Variants in SGCD observed in about 807,000 individuals in gnomAD.
The protein encoded by SGCD is sarcoglycan delta, also known as delta-sarcoglycan.
A neutral mutation model predicts 36.6 loss-of-function variants in SGCD; 18 were observed. The ratio of observed to expected loss-of-function variants is 0.49; its 90% CI spans 0.34 to 0.73. The LOEUF (loss-of-function observed/expected upper bound fraction) is 0.73. SGCD is among the 30% of genes least tolerant of loss of function. The probability of loss-of-function intolerance (pLI) is 0.01; values close to 1 mark genes in which losing one functional copy is unlikely to be tolerated. For synonymous variants in SGCD, 133 were observed against 130.6 expected (o/e 1.02, Z -0.12); for missense variants, 387 against 346.7 (o/e 1.12, Z -0.92).
intron 7 of SGCD, among the ~76,000 whole-genome samples, chr5:156,670,449 C>A (rs540944623): frequency 2.6e-5 from 4 of 152,182 alleles, no homozygotes; most frequent in African/African-American, 9.6e-5. Context: ...CAATTGCTTT[C>A]GACTCTTCCT....
At chr5:156,477,020 C>G (rs994399114) in intron 3 of SGCD, among the ~76,000 whole-genome samples, 1 of 138,574 alleles carries the variant, frequency 7.2e-6, no homozygotes, top group Non-Finnish European at 1.5e-5. Context: ...TTAGACAGAG[C>G]GTTAATTCAG....
rs182612847 is a variant in SGCD, at chr5:155,954,148, C to T, written c.-282+83724C>T. 3.0e-3 allele frequency among the ~76,000 whole-genome samples: 453 copies of T among 152,218 alleles called. 1 individual carries two copies. The highest frequency in any genetic ancestry group is 4.9e-3 in the Non-Finnish European group (331 of 67,998). On this transcript the variant is annotated intron_variant, in intron 1 of 9. Coordinates refer to the SGCD transcript ENST00000517913. ...CTTCTCCATCATATGATCTAAAGACCTTCTGTACTGTTTTTCTATTTGTAA... is the reference window on the plus strand; with the variant it reads ...CTTCTCCATCATATGATCTAAAGACTTTCTGTACTGTTTTTCTATTTGTAA...
At chr5:156,543,528 G>C (rs988341115) in intron 4 of SGCD, among the ~76,000 whole-genome samples, 5 of 152,172 alleles carry the variant, frequency 3.3e-5, no homozygotes, top group African/African-American at 1.2e-4. Flanking sequence ...AATCTACTTT[G>C]AGCATCTTTC....
intron 4 of SGCD, among the ~76,000 whole-genome samples, chr5:156,514,203 T>G (rs1490563129): frequency 6.6e-6 from 1 of 152,232 alleles, no homozygotes; most frequent in Non-Finnish European, 1.5e-5. Context: ...TAGACAAAGT[T>G]GTACATCCCT....
At chr5:156,320,407 A>C (rs1046700220) in intron 3 of SGCD, among the ~76,000 whole-genome samples, 1 of 152,218 alleles carries the variant, frequency 6.6e-6, no homozygotes, top group Non-Finnish European at 1.5e-5. Flanking sequence ...TCCAAATAAA[A>C]ATGTGATATT....
intron 6 of SGCD, among the ~76,000 whole-genome samples, chr5:156,636,990 G>A (rs1762849534): frequency 6.6e-6 from 1 of 152,050 alleles, no homozygotes; most frequent in African/African-American, 2.4e-5. Context: ...AAGGTGATAT[G>A]GTTTGGCTGT....
At chr5:155,796,194 C>T in the SGCD span, among the ~76,000 whole-genome samples, 1 of 152,152 alleles carries the variant, frequency 6.6e-6, no homozygotes, top group African/African-American at 2.4e-5. Flanking sequence ...TGACCATATA[C>T]TGGCTCTTAA....
intron 4 of SGCD, among the ~76,000 whole-genome samples, chr5:156,532,159 T>G (rs1757916075): frequency 6.6e-6 from 1 of 152,164 alleles, no homozygotes; most frequent in South Asian, 2.1e-4. Flanking sequence ...GTTCTGTTCT[T>G]GAGATACTAG....
the SGCD span, among the ~76,000 whole-genome samples, chr5:155,750,608 T>C: frequency 1.3e-5 from 2 of 152,358 alleles, no homozygotes; most frequent in East Asian, 3.9e-4. Context: ...AATGGCAGTT[T>C]CCCAGAAGAA....
chr5:155,794,804 T>C, the SGCD span, among the ~76,000 whole-genome samples: 1 of 151,968 alleles, frequency 6.6e-6, no homozygotes, highest in Non-Finnish European at 1.5e-5. Flanking sequence ...ATAAAAAATA[T>C]TTACTCAAAT....
intron 1 of SGCD, among the ~76,000 whole-genome samples, chr5:155,955,795 G>A (rs376765099): frequency 3.3e-5 from 5 of 152,030 alleles, no homozygotes; most frequent in Admixed American, 6.6e-5. Flanking sequence ...ACAAAGATAC[G>A]TCAACTAATA....
intron 7 of SGCD, among the ~76,000 whole-genome samples, chr5:156,674,187 C>G (rs1315023440): frequency 6.6e-6 from 1 of 152,150 alleles, no homozygotes; most frequent in East Asian, 1.9e-4. Context: ...TTGGACATGG[C>G]CCACTTTTGG....
At chr5:156,126,786 A>G (rs1284859016) in intron 3 of SGCD, among the ~76,000 whole-genome samples, 1 of 152,248 alleles carries the variant, frequency 6.6e-6, no homozygotes, top group Non-Finnish European at 1.5e-5. Context: ...TGAACATTAG[A>G]AAGGCCGTCT....
At chr5:156,345,449 A>C (rs1327680583) in intron 3 of SGCD, among the ~76,000 whole-genome samples, 1 of 152,172 alleles carries the variant, frequency 6.6e-6, no homozygotes, top group Admixed American at 6.5e-5. Context: ...TTAATGAGGA[A>C]ATACTGGGCA....
chr5:155,845,579 A>C, the SGCD span: 1 of 152,178 alleles, frequency 6.6e-6, no homozygotes, highest in Non-Finnish European at 1.5e-5. Flanking sequence ...TATTACAATG[A>C]ATAATTTTAA....
intron 3 of SGCD, among the ~76,000 whole-genome samples, chr5:156,201,574 T>C (rs1764151751): frequency 1.3e-5 from 2 of 152,148 alleles, no homozygotes; most frequent in African/African-American, 2.4e-5. Flanking sequence ...GCCAACATCA[T>C]AGGACCATGG....
At chr5:156,246,832 A>G (rs533590616) in intron 3 of SGCD, among the ~76,000 whole-genome samples, 32 of 152,184 alleles carry the variant, frequency 2.1e-4, no homozygotes, top group Non-Finnish European at 4.4e-4. Context: ...AAACACTGAC[A>G]ACAACATACA....
chr5:156,152,242 A>G (rs562908323), intron 3 of SGCD, among the ~76,000 whole-genome samples: 7 of 151,592 alleles, frequency 4.6e-5, no homozygotes, highest in Non-Finnish European at 8.8e-5. Context: ...TCTTTGACTA[A>G]GACATTGACC....
At chr5:155,862,812 G>A in the SGCD span, among the ~76,000 whole-genome samples, 1 of 152,160 alleles carries the variant, frequency 6.6e-6, no homozygotes, top group South Asian at 2.1e-4. Context: ...AAATGACATA[G>A]TGAAGATTTA....
Sources: allele counts gnomAD v4.1 joint callset (sites outside exome capture counted in the v4.1 genomes callset), GRCh38; gene constraint gnomAD v4.1.1; transcripts MANE v1.5; gene names NCBI Gene and HGNC (gene_info 2026-07-23, HGNC 2026-07-21).